Variants in SLC9A4 observed in about 807,000 individuals in gnomAD.
The protein encoded by SLC9A4 is solute carrier family 9 member A4.
SLC9A4 carries 63 observed loss-of-function variants against 67.4 expected under a neutral mutation model. That is an observed-to-expected ratio of 0.93 (90% confidence interval 0.76 to 1.15). The LOEUF is 1.15. Among genes scored for constraint, SLC9A4 ranks in the 50% most tolerant of loss-of-function variants. The pLI, the probability that SLC9A4 is intolerant of heterozygous loss-of-function variation, is 0.00. For synonymous variants in SLC9A4, 393 were observed against 367.2 expected (o/e 1.07, Z -0.80); for missense variants, 1,089 against 987.7 (o/e 1.10, Z -1.38).
chr2:102,483,833 T>TACAC (rs1477793646), intron 2 of SLC9A4, among the ~76,000 whole-genome samples: 2 of 69,156 alleles, frequency 2.9e-5, no homozygotes, highest in African/African-American at 1.2e-4. Flanking sequence ...TATATATATA[T>TACAC]ATATATATAC....
At chr2:102,516,075 G>A (rs186857538) in intron 8 of SLC9A4, among the ~76,000 whole-genome samples, 5 of 152,162 alleles carry the variant, frequency 3.3e-5, no homozygotes, top group Non-Finnish European at 4.4e-5. Flanking sequence ...TCAGTCTGCC[G>A]GGTGGCAAAG....
chr2:102,493,409 C>T (rs1301768209), intron 2 of SLC9A4, among the ~76,000 whole-genome samples: 2 of 151,854 alleles, frequency 1.3e-5, no homozygotes, highest in South Asian at 4.2e-4. Context: ...GGGGAGGCCT[C>T]ACAATTATGG....
At position 102,473,661 on chromosome 2, in the gene SLC9A4, T is replaced by TGTGGTGTA. The variant is rs566055611; in HGVS notation, c.-99_-98insGTGGTGTA. On this transcript the variant is annotated 5_prime_UTR_variant, in exon 1 of 12. Coordinates refer to ENST00000295269, the MANE Select transcript of SLC9A4 (RefSeq NM_001011552.4). ...ACCCACAGACTGTACCTATATTACT[T>TGTGGTGTA]TTGACCCAGGTGGATGCAGTCACTC... 1.3e-4 allele frequency: 192 copies of TGTGGTGTA among 1,483,902 alleles called. No individual in the cohort carries two copies. In the East Asian group the frequency reaches 3.0e-3, roughly 24 times the overall value. 91.9% of individuals were successfully genotyped at this position (1,483,902 alleles called of 1,614,324 possible).
At chr2:102,481,554 A>C (rs552727139) in intron 2 of SLC9A4, among the ~76,000 whole-genome samples, 1 of 152,314 alleles carries the variant, frequency 6.6e-6, no homozygotes, top group East Asian at 1.9e-4. Flanking sequence ...GTCATATCCC[A>C]ATTTTTATAT....
chr2:102,516,362 T>C (rs1157948686), intron 8 of SLC9A4, among the ~76,000 whole-genome samples: 1 of 152,218 alleles, frequency 6.6e-6, no homozygotes, highest in Admixed American at 6.5e-5. Context: ...TGCCTTTATT[T>C]GATCTCATCA....
rs370852317 is a variant in SLC9A4, at chr2:102,526,409, G to C, written c.2038+63G>C. 114 of 1,509,482 alleles carry C rather than the reference G, an allele frequency of 7.6e-5. 1 individual carries two copies. In the East Asian group the frequency reaches 2.1e-3, roughly 28 times the overall value. The allele number at this position is 1,509,482 out of a possible 1,614,324, so 93.5% of individuals were successfully genotyped here. ...AGAGTCAGGTGGTAAATATCTGGGGGTGTGGGCCAAGAGGCAACATTAAGA... is the reference window on the plus strand; with the variant it reads ...AGAGTCAGGTGGTAAATATCTGGGGCTGTGGGCCAAGAGGCAACATTAAGA... On this transcript the variant is annotated intron_variant, in intron 11 of 11. Transcript: ENST00000295269.
intron 4 of SLC9A4, among the ~76,000 whole-genome samples, chr2:102,507,696 A>G (rs1295583494): frequency 6.6e-6 from 1 of 152,168 alleles, no homozygotes; most frequent in Non-Finnish European, 1.5e-5. Context: ...ATAAGAATGC[A>G]TTTATCCCCC....
intron 8 of SLC9A4, among the ~76,000 whole-genome samples, chr2:102,515,492 C>A (rs374166431): frequency 6.7e-6 from 1 of 150,118 alleles, no homozygotes; most frequent in South Asian, 2.1e-4. Context: ...GAGGGGTTGT[C>A]GGTTTGTTTT....
chr2:102,515,668 C>T (rs1685263283), intron 8 of SLC9A4, among the ~76,000 whole-genome samples: 1 of 151,936 alleles, frequency 6.6e-6, no homozygotes, highest in Non-Finnish European at 1.5e-5. Context: ...TTATATTCAT[C>T]AGTAATTTTT....
intron 1 of SLC9A4, among the ~76,000 whole-genome samples, chr2:102,477,421 C>T (rs1684358003): frequency 6.6e-6 from 1 of 152,198 alleles, no homozygotes; most frequent in South Asian, 2.1e-4. Context: ...TTTAACTGTT[C>T]ATTCATTTAT....
chr2:102,515,579 T>C (rs1685260484), intron 8 of SLC9A4, among the ~76,000 whole-genome samples: 1 of 151,826 alleles, frequency 6.6e-6, no homozygotes, highest in Admixed American at 6.6e-5. Context: ...ATACTGGCAG[T>C]GCTCTGCTGC....
intron 4 of SLC9A4, among the ~76,000 whole-genome samples, chr2:102,507,568 C>T (rs371715924): frequency 2.6e-5 from 4 of 152,014 alleles, no homozygotes; most frequent in African/African-American, 9.7e-5. Context: ...TGCATTGAAC[C>T]TCAAGAGGGA....
intron 11 of SLC9A4, among the ~76,000 whole-genome samples, chr2:102,530,770 A>G (rs564293664): frequency 6.6e-6 from 1 of 152,226 alleles, no homozygotes; most frequent in Non-Finnish European, 1.5e-5. Context: ...CAGGGAAAAA[A>G]AATGGACAGA....
chr2:102,490,938 C>T (rs1015560518), intron 2 of SLC9A4, among the ~76,000 whole-genome samples: 1 of 152,204 alleles, frequency 6.6e-6, no homozygotes, highest in African/African-American at 2.4e-5. Context: ...CCATATTGAA[C>T]ATTGCTGGTC....
Position 102,478,881 on chromosome 2 carries a change from G to C in SLC9A4, c.299G>C (p.Ser100Thr), listed in dbSNP as rs1253386135. The C allele has an allele frequency of 6.2e-7, 1 of 1,614,060 alleles. No individual in the cohort carries two copies. The highest frequency in any genetic ancestry group is 8.5e-7 in the Non-Finnish European group (1 of 1,180,056). The change falls in exon 2 of 12, where the codon AGC (serine) becomes ACC (threonine). Residue 100 changes from serine to threonine, a missense_variant. Ser to Thr is a moderately conservative substitution (Grantham distance 58, BLOSUM62 1). Coordinates refer to ENST00000295269, the MANE Select transcript of SLC9A4 (RefSeq NM_001011552.4). ...YHRLPGLMPESCLLILVGALV... is the reference protein window; with the variant it reads ...YHRLPGLMPETCLLILVGALV... ...AGGCTGCCAGGCCTCATGCCAGAAAGCTGCCTCCTCATCCTGGTGGGGGCG... is the reference window on the plus strand; with the variant it reads ...AGGCTGCCAGGCCTCATGCCAGAAACCTGCCTCCTCATCCTGGTGGGGGCG...
At chr2:102,488,697 C>T (rs1684639282) in intron 2 of SLC9A4, among the ~76,000 whole-genome samples, 2 of 151,934 alleles carry the variant, frequency 1.3e-5, no homozygotes, top group South Asian at 4.1e-4. Flanking sequence ...TAAAGGTGCC[C>T]ACCACCACGC....
At position 102,520,921 on chromosome 2, in the gene SLC9A4, C is replaced by G. The variant is rs1200207727; in HGVS notation, c.1818+966C>G. Among the ~76,000 whole-genome samples the G allele has an allele frequency of 3.3e-5, 5 of 152,316 alleles. No homozygotes were observed. In the South Asian group the frequency reaches 1.0e-3, roughly 32 times the overall value. ...ATTGTTTTCTGGTCTCCTGTTTCAA[C>G]TCAAAGGTCAATGATTAAGAGGAAT... On this transcript the variant is annotated intron_variant, in intron 9 of 11. Coordinates refer to ENST00000295269, the MANE Select transcript of SLC9A4 (RefSeq NM_001011552.4).
chr2:102,517,770 C>T (rs951737521), intron 8 of SLC9A4, among the ~76,000 whole-genome samples: 4 of 152,058 alleles, frequency 2.6e-5, no homozygotes, highest in Non-Finnish European at 1.5e-5. Context: ...GAAAGATGAA[C>T]GTTATATTCA....
chr2:102,526,841 C>T (rs1201302338), intron 11 of SLC9A4, among the ~76,000 whole-genome samples: 1 of 152,056 alleles, frequency 6.6e-6, no homozygotes, highest in Admixed American at 6.5e-5. Context: ...AAGTGGAATT[C>T]TTAGAATTAT....
Sources: gnomAD v4.1 joint callset for allele counts (sites outside exome capture counted in the v4.1 genomes callset) on GRCh38, gnomAD v4.1.1 for gene constraint, MANE v1.5 for transcripts, NCBI Gene and HGNC (gene_info 2026-07-23, HGNC 2026-07-21) for gene names.